DIP2A: variants seen among roughly 807,000 people sequenced by gnomAD.
The protein encoded by DIP2A is DIP2 acetate--CoA ligase A, also known as disco-interacting protein 2 homolog A.
DIP2A carries 85 observed loss-of-function variants against 177.4 expected under a neutral mutation model. The observed-to-expected ratio is 0.48, with a 90% CI of 0.40 to 0.57. The LOEUF (loss-of-function observed/expected upper bound fraction) is 0.57. Among genes scored for constraint, DIP2A ranks in the 20% least tolerant of loss-of-function variants. DIP2A has a pLI of 0.00. For missense variants in DIP2A, 1,791 were observed against 2,100.2 expected (o/e 0.85, Z 2.88); for synonymous variants, 886 against 881.8 (o/e 1.00, Z -0.08).
At chr21:46,541,916 G>A in intron 18 of DIP2A, 21 bp downstream of exon 18, 1 of 1,613,814 alleles carries the variant, frequency 6.2e-7, no homozygotes, top group East Asian at 2.2e-5. Context: ...TAACCAGAGT[G>A]GGTCTTTGTC....
intron 2 of DIP2A, among the ~76,000 whole-genome samples, chr21:46,489,607 G>A (rs113767582): frequency 0.015 from 2,260 of 152,328 alleles, 47 homozygotes; most frequent in African/African-American, 0.051. Context: ...GCTTGTTGGG[G>A]CAGTCACTGA....
intron 1 of DIP2A, among the ~76,000 whole-genome samples, chr21:46,480,852 A>G (rs182228602): frequency 3.5e-4 from 53 of 152,328 alleles, no homozygotes; most frequent in Middle Eastern, 3.4e-3. Flanking sequence ...GCTCCCAGCC[A>G]TTGTGTCATG....
chr21:46,576,706 T>G, the DIP2A span, among the ~76,000 whole-genome samples: 1 of 152,210 alleles, frequency 6.6e-6, no homozygotes, highest in Admixed American at 6.5e-5. Context: ...CCACACTGTC[T>G]TCCACAATGA....
chr21:46,556,099 C>G lies in DIP2A; in HGVS notation c.3498+8C>G, dbSNP rs2060458893. On this transcript the variant is annotated splice_region_variant and intron_variant, in intron 29 of 37. Coordinates refer to ENST00000417564, the MANE Select transcript of DIP2A (RefSeq NM_015151.4). This position sits in a 1 kb window ranked among gnomAD's most constrained non-coding sequence, Gnocchi z 4.5. ...ATATTAGCGGGAGTGAAGGTAGGTC[C>G]TCTGAAATCTTGTTTGCTTCAGCCC... is the stretch of plus-strand genomic sequence containing the variant. The G allele has an allele frequency of 6.2e-7, 1 of 1,609,264 alleles. No individual in the cohort carries two copies. The highest frequency in any genetic ancestry group is 1.3e-5 in the African/African-American group (1 of 74,794).
At chr21:46,486,121 C>T (rs895096794) in intron 2 of DIP2A, among the ~76,000 whole-genome samples, 76 of 150,488 alleles carry the variant, frequency 5.1e-4, no homozygotes, top group Middle Eastern at 3.5e-3. Context: ...CAGAATGTAC[C>T]GAGCAGTGCT....
intron 1 of DIP2A, among the ~76,000 whole-genome samples, chr21:46,472,409 T>C (rs1038483481): frequency 6.6e-6 from 1 of 152,174 alleles, no homozygotes; most frequent in Non-Finnish European, 1.5e-5. Flanking sequence ...ACAGACTGAG[T>C]GCCAGGAGGC....
At chr21:46,478,347 G>A (rs1161939499) in intron 1 of DIP2A, among the ~76,000 whole-genome samples, 1 of 152,014 alleles carries the variant, frequency 6.6e-6, no homozygotes, top group Non-Finnish European at 1.5e-5. Context: ...CGAGTAGCTG[G>A]GATTACAGGC....
rs868761520 is a variant in DIP2A at position 46,561,752 on chromosome 21, C to T, written c.4036C>T (p.Arg1346Cys). The T allele has an allele frequency of 1.2e-6, 2 of 1,613,882 alleles. No homozygotes were observed. The highest frequency in any genetic ancestry group is 1.7e-6 in the Non-Finnish European group (2 of 1,179,870). The change falls in exon 34 of 38, where the codon CGT becomes TGT. Residue 1346 changes from arginine to cysteine, a missense_variant. Coordinates refer to ENST00000417564, the MANE Select transcript of DIP2A (RefSeq NM_015151.4). The stretch of plus-strand genomic sequence containing the variant: ...AATTGTTCCCTTAATTTTTAGGGTT[C>T]GTTTGGTAGAACGGGGTTCTCCGCA... ...DMRALRHDRVRLVERGSPHSL... is the reference protein window; with the variant it reads ...DMRALRHDRVCLVERGSPHSL...
intron 36 of DIP2A, 81 bp from the exon 37 acceptor site, chr21:46,566,479 T>C: frequency 5.1e-6 from 8 of 1,578,162 alleles, no homozygotes; most frequent in Non-Finnish European, 6.9e-6. Flanking sequence ...TGAGAGCCCC[T>C]GGTTGGGCTC....
intron 1 of DIP2A, among the ~76,000 whole-genome samples, chr21:46,471,847 T>C (rs1404146116): frequency 6.6e-6 from 1 of 152,208 alleles, no homozygotes; most frequent in Non-Finnish European, 1.5e-5. Context: ...ATTAATCAGC[T>C]ATAAGGAAAG....
rs759036409 is a variant in DIP2A at position 46,550,563 on chromosome 21, G to T, written c.2658G>T (p.Gln886His). 8 of 1,613,310 alleles carry T rather than the reference G, an allele frequency of 5.0e-6. No individual in the cohort carries two copies. The highest frequency in any genetic ancestry group is 6.8e-6 in the Non-Finnish European group (8 of 1,179,696). ...RVLQAIDSIH[Q>H]VGVYCLALVP... ...TTCAGGCCATTGATAGCATCCACCA[G>T]GTGGGCGTGTACTGTCTGGCCCTGG... The change falls in exon 23 of 38, where the codon CAG (glutamine) becomes CAT (histidine). Residue 886 changes from glutamine (Q) to histidine (H), a missense_variant. Transcript: ENST00000417564.
intron 8 of DIP2A, among the ~76,000 whole-genome samples, chr21:46,521,892 C>T (rs902895669): frequency 1.3e-5 from 2 of 152,166 alleles, no homozygotes; most frequent in Non-Finnish European, 2.9e-5. Context: ...AAAAAAAATC[C>T]ACATTCCCAT....
At chr21:46,502,122 C>T (rs1276917490) in intron 5 of DIP2A, among the ~76,000 whole-genome samples, 1 of 152,138 alleles carries the variant, frequency 6.6e-6, no homozygotes, top group Non-Finnish European at 1.5e-5. Context: ...CTCTACCTAA[C>T]ATAGACTAGT....
intron 17 of DIP2A, among the ~76,000 whole-genome samples, chr21:46,540,514 C>G (rs2059769585): frequency 6.6e-6 from 1 of 152,134 alleles, no homozygotes; most frequent in Non-Finnish European, 1.5e-5. Context: ...TGCGGGGCTG[C>G]TGGTCCTTCC....
At chr21:46,507,847 A>G (rs1286309667) in intron 6 of DIP2A, among the ~76,000 whole-genome samples, 1 of 150,696 alleles carries the variant, frequency 6.6e-6, no homozygotes, top group African/African-American at 2.4e-5. Context: ...ACTCCAGGCA[A>G]CTGCCACCAC....
At chr21:46,463,703 TGTGTGTGTGTGTGTGTA>T (rs1568890294) in intron 1 of DIP2A, among the ~76,000 whole-genome samples, 4 of 151,588 alleles carry the variant, frequency 2.6e-5, no homozygotes, top group African/African-American at 9.7e-5. Context: ...TGTGTGTGTG[TGTGTGTGTGTGTGTGTA>T]TATTTTGAGA....
At chr21:46,459,681 C>A (rs886981128) in intron 1 of DIP2A, among the ~76,000 whole-genome samples, 2 of 151,274 alleles carry the variant, frequency 1.3e-5, no homozygotes, top group South Asian at 4.2e-4. Flanking sequence ...AAACCAGGGA[C>A]CACTGCCCCG....
chr21:46,574,307 CCAAAACTTATGGGACCCAG>C (rs1208623122), downstream of DIP2A, among the ~76,000 whole-genome samples: 1 of 151,920 alleles, frequency 6.6e-6, no homozygotes, highest in Non-Finnish European at 1.5e-5. Flanking sequence ...AAACAATGTA[CCAAAACTTATGGGACCCAG>C]CAAAAGCAGT....
chr21:46,475,098 A>G (rs1247596054), intron 1 of DIP2A, among the ~76,000 whole-genome samples: 3 of 152,202 alleles, frequency 2.0e-5, no homozygotes, highest in Admixed American at 6.5e-5. Flanking sequence ...CACTCTTCCT[A>G]ACTGTTCAGT....
Sources: allele counts gnomAD v4.1 joint callset (sites outside exome capture counted in the v4.1 genomes callset), GRCh38; gene constraint gnomAD v4.1.1; non-coding constraint Gnocchi (gnomAD v3.1); transcripts MANE v1.5; gene names NCBI Gene and HGNC (gene_info 2026-07-23, HGNC 2026-07-21).